SLC6A13: variants seen among roughly 807,000 people sequenced by gnomAD.
SLC6A13 encodes the protein solute carrier family 6 member 13, also known as sodium- and chloride-dependent GABA transporter 2.
In SLC6A13, 69 loss-of-function variants were observed where a neutral mutation model predicts 72.9. The ratio of observed to expected loss-of-function variants is 0.95; its 90% CI spans 0.78 to 1.16. The LOEUF is 1.16. SLC6A13 is among the 50% of genes most tolerant of loss of function. SLC6A13 has a pLI of 0.00. For missense variants in SLC6A13, 735 were observed against 760.5 expected (o/e 0.97, Z 0.39); for synonymous variants, 303 against 303.0 (o/e 1.00, Z 0.00).
chr12:262,631 A>G, intron 1 of SLC6A13, 158 bp downstream of exon 1: 8 of 959,874 alleles, frequency 8.3e-6, no homozygotes, highest in Non-Finnish European at 9.9e-6. Flanking sequence ...AGTCAAGAAA[A>G]TAGCACATAA....
intron 9 of SLC6A13, among the ~76,000 whole-genome samples, chr12:224,981 A>G (rs1441468530): frequency 6.6e-6 from 1 of 152,220 alleles, no homozygotes; most frequent in Non-Finnish European, 1.5e-5. Flanking sequence ...AGATGGTACC[A>G]AAAAAATCGC....
intron 2 of SLC6A13, among the ~76,000 whole-genome samples, chr12:249,380 G>A (rs1942462496): frequency 6.6e-6 from 1 of 152,116 alleles, no homozygotes; most frequent in African/African-American, 2.4e-5. Context: ...CTGGTTCTTT[G>A]AGATAATAAA....
chr12:232,647 G>A (rs531260895), intron 7 of SLC6A13, among the ~76,000 whole-genome samples: 5 of 152,266 alleles, frequency 3.3e-5, no homozygotes, highest in East Asian at 3.9e-4. Flanking sequence ...CGCTGCCCTC[G>A]TACCCTGCGT....
chr12:224,453 A>G lies in SLC6A13; in HGVS notation c.1121T>C (p.Leu374Pro). ...RAVVMLPFSP[L>P]WACCFFFMVV... ...CATGAAGAAGAAACAGCAGGCCCAG[A>G]GAGGAGAGAAGGGCAGCATCACCAC... Residue 374 changes from leucine to proline, a missense_variant, in exon 10 of 15, where the codon CTC (leucine) becomes CCC (proline). By Grantham distance (98) the Leu-to-Pro change is moderately conservative. Coordinates refer to ENST00000343164, the MANE Select transcript of SLC6A13 (RefSeq NM_016615.5). 6.2e-7 allele frequency: 1 copy of G among 1,614,162 alleles called. No homozygotes were observed. Among genetic ancestry groups the G allele is most frequent in the Non-Finnish European group, 8.5e-7 (1 of 1,180,032 alleles).
chr12:223,005 G>T, intron 12 of SLC6A13, 127 bp downstream of exon 12: 1 of 627,264 alleles, frequency 1.6e-6, no homozygotes, highest in Non-Finnish European at 2.8e-6. Flanking sequence ...GCAAGATTTT[G>T]GAGGTTGGGT....
Position 220,624 on chromosome 12 carries a change from A to T in SLC6A13, c.*324T>A. On this transcript the variant is annotated 3_prime_UTR_variant, in exon 15 of 15. Transcript: ENST00000343164. The stretch of plus-strand genomic sequence containing the variant: ...AAATCAGACAGAACCGCTAGCAGTC[A>T]GCGGGAAGAATGTGGATTTAATGGA... 3.2e-6 allele frequency: 1 copy of T among 311,138 alleles called. No homozygotes were observed. Among genetic ancestry groups the T allele is most frequent in the South Asian group, 2.8e-5 (1 of 35,278 alleles). The allele number at this position is 311,138 out of a possible 1,614,324, so 19.3% of individuals were successfully genotyped here.
chr12:235,318 GA>G, intron 6 of SLC6A13, 94 bp from the exon 7 acceptor site: 4 of 1,305,314 alleles, frequency 3.1e-6, no homozygotes, highest in Non-Finnish European at 4.4e-6. Flanking sequence ...GAGCTCCTCA[GA>G]AAAGGTCAAG....
At chr12:248,341 A>G (rs1171152380) in intron 2 of SLC6A13, among the ~76,000 whole-genome samples, 4 of 150,210 alleles carry the variant, frequency 2.7e-5, no homozygotes, top group Non-Finnish European at 5.9e-5. Flanking sequence ...GGGGCGGAGC[A>G]TGCAGTGAGC....
At chr12:226,675 G>T in intron 8 of SLC6A13, 161 bp from the exon 9 acceptor site, 2 of 777,452 alleles carry the variant, frequency 2.6e-6, no homozygotes, top group Non-Finnish European at 3.9e-6. Context: ...AGAGGACCAC[G>T]CAAAGCACTG....
chr12:232,502 C>T (rs940913197), intron 7 of SLC6A13, among the ~76,000 whole-genome samples: 2 of 152,212 alleles, frequency 1.3e-5, no homozygotes, highest in Admixed American at 6.5e-5. Flanking sequence ...AACAAAGATA[C>T]CCTTTGCCTG....
chr12:222,188 T>G (rs1052192542), intron 13 of SLC6A13, among the ~76,000 whole-genome samples: 1 of 152,226 alleles, frequency 6.6e-6, no homozygotes, highest in African/African-American at 2.4e-5. Flanking sequence ...CAGCACAAAG[T>G]CAGGGCTCTA....
intron 2 of SLC6A13, among the ~76,000 whole-genome samples, chr12:248,402 G>A (rs1310828465): frequency 6.5e-5 from 5 of 76,940 alleles, no homozygotes; most frequent in Non-Finnish European, 9.6e-5. Context: ...ACTCCGTCTC[G>A]GAAAAAAAAA....
chr12:222,687 G>T, intron 12 of SLC6A13, 55 bp from the exon 13 acceptor site: 1 of 1,157,320 alleles, frequency 8.6e-7, no homozygotes. Context: ...TGGCACCCAG[G>T]ACATCAGGAT....
At chr12:227,964 A>G (rs1354082307) in intron 7 of SLC6A13, among the ~76,000 whole-genome samples, 1 of 152,050 alleles carries the variant, frequency 6.6e-6, no homozygotes, top group Non-Finnish European at 1.5e-5. Context: ...ACAGGGCTCT[A>G]GAATGAAGCT....
intron 6 of SLC6A13, among the ~76,000 whole-genome samples, chr12:235,958 G>T (rs1591838012): frequency 6.6e-6 from 1 of 152,252 alleles, no homozygotes; most frequent in East Asian, 1.9e-4. Flanking sequence ...TTACTAGGGT[G>T]GGGAAAAACT....
intron 2 of SLC6A13, chr12:256,384 G>A (rs1193652746): frequency 6.6e-6 from 1 of 152,290 alleles, no homozygotes; most frequent in Non-Finnish European, 1.5e-5. Flanking sequence ...GATGAAGCAG[G>A]TGCCTGGGGG....
rs377179026 is a variant in SLC6A13, at chr12:223,132, C to T, written c.1414G>A (p.Gly472Arg). 7.4e-5 allele frequency: 119 copies of T among 1,604,232 alleles called. No individual in the cohort carries two copies. Among genetic ancestry groups the T allele is most frequent in the Admixed American group, 2.2e-4 (13 of 59,958 alleles). The change falls in exon 12 of 15, where the codon GGA (glycine) becomes AGA (arginine). Residue 472 changes from glycine to arginine, a missense_variant and splice_region_variant. Transcript: ENST00000343164. ...FESLCVAWVYGAKRFYDNIED... is the reference protein window; with the variant it reads ...FESLCVAWVYRAKRFYDNIED... Reference sequence around the variant, plus strand: ...GGGACCTAGGGGAGGAGTCACTCACCGTAAACCCAAGCCACACAGAGGGAC... The same window carrying T: ...GGGACCTAGGGGAGGAGTCACTCACTGTAAACCCAAGCCACACAGAGGGAC...
intron 2 of SLC6A13, among the ~76,000 whole-genome samples, chr12:249,935 T>C (rs924067030): frequency 2.0e-5 from 3 of 152,156 alleles, no homozygotes; most frequent in African/African-American, 7.2e-5. Context: ...AGATACAAAG[T>C]GGGTTTAACA....
At chr12:221,326 G>T in intron 14 of SLC6A13, 50 bp downstream of exon 14, 1 of 1,519,348 alleles carries the variant, frequency 6.6e-7, no homozygotes, top group Non-Finnish European at 8.8e-7. Context: ...GTCGGCACCT[G>T]CGAAGCCTCC....
Sources: allele counts gnomAD v4.1 joint callset (sites outside exome capture counted in the v4.1 genomes callset), GRCh38; gene constraint gnomAD v4.1.1; transcripts MANE v1.5; gene names NCBI Gene and HGNC (gene_info 2026-07-23, HGNC 2026-07-21).